Variants in AFF1 observed in about 807,000 individuals in gnomAD.
AFF1 encodes the protein ALF transcription elongation factor 1, also known as AF4/FMR2 family member 1.
In AFF1, 48 loss-of-function variants were observed where a neutral mutation model predicts 121.7. The observed-to-expected ratio is 0.39, with a 90% CI of 0.31 to 0.50. The LOEUF is 0.50. Among genes scored for constraint, AFF1 ranks in the 20% least tolerant of loss-of-function variants. The probability of loss-of-function intolerance (pLI) is 0.76; values close to 1 mark genes in which losing one functional copy is unlikely to be tolerated. For synonymous variants in AFF1, 613 were observed against 563.0 expected (o/e 1.09, Z -1.26); for missense variants, 1,523 against 1,511.7 (o/e 1.01, Z -0.12).
rs775276981 is a variant in AFF1, at chr4:87,127,014, T to TA, written c.2812-12_2812-11insA. ...TTAGAGTGTAATCTGTATATTGATTTTTTTTTTGAAGGGTTCTTCCGGAGA... is the reference window on the plus strand; with the variant it reads ...TTAGAGTGTAATCTGTATATTGATTTATTTTTTTGAAGGGTTCTTCCGGAGA... On this transcript the variant is annotated splice_polypyrimidine_tract_variant and intron_variant, in intron 14 of 20. Coordinates refer to ENST00000395146, the MANE Select transcript of AFF1 (RefSeq NM_001166693.3). 2.6e-5 allele frequency: 42 copies of TA among 1,612,510 alleles called. No homozygotes were observed. In the East Asian group the frequency reaches 4.5e-4, roughly 17 times the overall value.
At chr4:86,974,742 AAAG>A (rs1434448608) in intron 2 of AFF1, among the ~76,000 whole-genome samples, 1 of 152,248 alleles carries the variant, frequency 6.6e-6, no homozygotes, top group Non-Finnish European at 1.5e-5. Flanking sequence ...TTTCATACAT[AAAG>A]AGCTGTACAC....
At chr4:87,127,561 T>C (rs1166280341) in intron 15 of AFF1, 82 bp from the exon 16 acceptor site, 86 of 1,328,318 alleles carry the variant, frequency 6.5e-5, no homozygotes, top group Non-Finnish European at 9.2e-5. Flanking sequence ...CCTCCCATCC[T>C]TTTTCACTCT....
At chr4:87,043,688 C>T (rs1730380363) in intron 2 of AFF1, among the ~76,000 whole-genome samples, 1 of 152,166 alleles carries the variant, frequency 6.6e-6, no homozygotes, top group Non-Finnish European at 1.5e-5. Flanking sequence ...TTCTTCTTTT[C>T]AGTATTTTGA....
rs1485678164 is a variant in AFF1, at chr4:87,114,795, G to A, written c.1962G>A (p.Thr654=). 9.9e-6 allele frequency: 16 copies of A among 1,612,778 alleles called. No homozygotes were observed. The highest frequency in any genetic ancestry group is 1.4e-5 in the Non-Finnish European group (16 of 1,179,628). The change falls in exon 12 of 21, where the codon ACG becomes ACA. Residue 654 remains threonine, a synonymous_variant. Coordinates refer to ENST00000395146, the MANE Select transcript of AFF1 (RefSeq NM_001166693.3). ...QTSKDKPKVK[T]KGRPRAAASN... ...CCAAAGACAAGCCCAAGGTGAAGAC[G>A]AAAGGACGGCCCCGGGCCGCAGCAA...
chr4:87,087,646 C>G (rs1476414398), intron 5 of AFF1, among the ~76,000 whole-genome samples: 3 of 152,202 alleles, frequency 2.0e-5, no homozygotes, highest in African/African-American at 4.8e-5. Flanking sequence ...TTAAGTCCCT[C>G]TAGTAAGCTA....
chr4:87,128,550 T>C (rs932188727), intron 16 of AFF1, among the ~76,000 whole-genome samples: 6 of 152,148 alleles, frequency 3.9e-5, no homozygotes, highest in Non-Finnish European at 1.5e-5. Flanking sequence ...GGGCATGAGT[T>C]GCCTTTTTTG....
chr4:86,977,793 A>G (rs944624514), intron 2 of AFF1, among the ~76,000 whole-genome samples: 1 of 152,212 alleles, frequency 6.6e-6, no homozygotes, highest in African/African-American at 2.4e-5. Context: ...AATTGCTTTG[A>G]AAGGTTTACC....
chr4:87,128,525 T>C (rs1039774638), intron 16 of AFF1, among the ~76,000 whole-genome samples: 2 of 152,196 alleles, frequency 1.3e-5, no homozygotes, highest in African/African-American at 4.8e-5. Flanking sequence ...TGTTGAACTT[T>C]GGTACACAGA....
chr4:87,028,860 G>T (rs1411928632), intron 2 of AFF1, among the ~76,000 whole-genome samples: 1 of 152,198 alleles, frequency 6.6e-6, no homozygotes, highest in Non-Finnish European at 1.5e-5. Context: ...TGTTCTTCCA[G>T]TGTTATGCTT....
chr4:86,949,619 C>A, intron 2 of AFF1: 1 of 1,445,444 alleles, frequency 6.9e-7, no homozygotes, highest in South Asian at 1.2e-5. Context: ...ACTCCTCCCC[C>A]AGAATGCCAC....
intron 12 of AFF1, among the ~76,000 whole-genome samples, chr4:87,116,026 T>C (rs906567426): frequency 1.3e-5 from 2 of 152,184 alleles, no homozygotes; most frequent in Non-Finnish European, 2.9e-5. Flanking sequence ...TCTGAATTAT[T>C]AAAAGAACGG....
chr4:87,076,662 G>A (rs182697188), intron 4 of AFF1, among the ~76,000 whole-genome samples: 1 of 152,070 alleles, frequency 6.6e-6, no homozygotes, highest in Admixed American at 6.5e-5. Flanking sequence ...GCTGTTTTTT[G>A]TTGTTGTTTT....
At chr4:86,996,411 A>G (rs1262533107) in intron 2 of AFF1, among the ~76,000 whole-genome samples, 2 of 151,640 alleles carry the variant, frequency 1.3e-5, no homozygotes, top group African/African-American at 2.4e-5. Context: ...GATCCTGTTG[A>G]TCTGTGACCT....
chr4:87,126,308 A>G lies in AFF1; in HGVS notation c.2783A>G (p.Lys928Arg). ...SIPKQRRVEG[K>R]GSRSSSEHKG... ...CCCAAGCAGAGAAGAGTAGAGGGGA[A>G]GGGCTCCAGAAGCTCCTCGGAGCAC... Residue 928 changes from lysine to arginine, a missense_variant, in exon 14 of 21, where the codon AAG becomes AGG. Around this residue, in one of 5 missense-constraint regions of AFF1, gnomAD observed 905 missense variants for 842.5 expected, o/e 1.07. Coordinates refer to ENST00000395146, the MANE Select transcript of AFF1 (RefSeq NM_001166693.3). 9.9e-6 allele frequency: 16 copies of G among 1,614,174 alleles called. No homozygotes were observed. Among genetic ancestry groups the G allele is most frequent in the Non-Finnish European group, 1.3e-5 (15 of 1,180,020 alleles).
rs1729536544 is a variant in AFF1, at chr4:87,139,318, G to T, written c.*3617G>T. 4.3e-6 allele frequency: 1 copy of T among 232,998 alleles called. No homozygotes were observed. 14.4% of individuals were successfully genotyped at this position (232,998 alleles called of 1,614,324 possible). A position where few individuals can be genotyped will look rare whatever the true frequency, so the allele number is the denominator to read the frequency against. On this transcript the variant is annotated 3_prime_UTR_variant, in exon 21 of 21. Transcript: ENST00000395146. ...TGCATCTTAAAGTAGGTTGAGGCTT[G>T]AGGCTGGGCTTTCGGGTTTTTTTGT...
At chr4:86,972,594 A>G (rs1011750949) in intron 2 of AFF1, among the ~76,000 whole-genome samples, 3 of 152,130 alleles carry the variant, frequency 2.0e-5, no homozygotes, top group African/African-American at 4.8e-5. Flanking sequence ...CTGGAGTGCT[A>G]TGGTGTGATC....
At chr4:87,085,418 A>G (rs1211828638) in intron 5 of AFF1, among the ~76,000 whole-genome samples, 2 of 150,832 alleles carry the variant, frequency 1.3e-5, no homozygotes, top group East Asian at 3.9e-4. Context: ...CTTTTACTGT[A>G]GGGTTTCTGA....
chr4:86,968,649 G>A (rs1703816720), intron 2 of AFF1, among the ~76,000 whole-genome samples: 1 of 152,190 alleles, frequency 6.6e-6, no homozygotes, highest in Non-Finnish European at 1.5e-5. Flanking sequence ...GTAAGCTGAG[G>A]GAAAAGATTT....
chr4:86,987,508 G>C (rs1269215353), intron 2 of AFF1, among the ~76,000 whole-genome samples: 1 of 152,126 alleles, frequency 6.6e-6, no homozygotes, highest in Non-Finnish European at 1.5e-5. Context: ...GTTAGACTTG[G>C]TGGAGAGCCA....
Sources: allele counts gnomAD v4.1 joint callset (sites outside exome capture counted in the v4.1 genomes callset), GRCh38; gene constraint gnomAD v4.1.1; regional missense constraint gnomAD v4.1.1; transcripts MANE v1.5; gene names NCBI Gene and HGNC (gene_info 2026-07-23, HGNC 2026-07-21).